The following DIPK1C variants were observed in gnomAD, a reference collection of about 807,000 sequenced individuals.
DIPK1C encodes divergent protein kinase domain 1C, also known as familial non-conventional Alzheimer's dementia.
In DIPK1C, 33 loss-of-function variants were observed where a neutral mutation model predicts 28.0. That is an observed-to-expected ratio of 1.18 (90% CI 0.89 to 1.58). The LOEUF (loss-of-function observed/expected upper bound fraction) is 1.58. Among genes scored for constraint, DIPK1C ranks in the 40% most tolerant of loss-of-function variants. DIPK1C has a pLI of 0.00. For missense variants in DIPK1C, 569 were observed against 568.5 expected, an observed-to-expected ratio of 1.00 and a Z score of -0.01; for synonymous variants, 255 against 248.8, an observed-to-expected ratio of 1.02 and a Z score of -0.23.
chr18:74,454,730 G>A (rs1986468355), intron 1 of DIPK1C, among the ~76,000 whole-genome samples: 1 of 152,184 alleles, frequency 6.6e-6, no homozygotes, highest in African/African-American at 2.4e-5. Flanking sequence ...ACCTCTACTT[G>A]GCAACTCAGC....
Position 74,457,105 on chromosome 18 carries a change from T to C in DIPK1C, c.155A>G (p.Glu52Gly). The C allele has an allele frequency of 2.0e-6, 3 of 1,467,528 alleles. No homozygotes were observed. The highest frequency in any genetic ancestry group is 2.7e-6 in the Non-Finnish European group (3 of 1,118,066). The allele number at this position is 1,467,528 out of a possible 1,614,324, so 90.9% of individuals were successfully genotyped here. A position where few individuals can be genotyped will look rare whatever the true frequency, so the allele number is the denominator to read the frequency against. ...LLRAHPGVLSERCTDEKSRRI... is the reference protein window; with the variant it reads ...LLRAHPGVLSGRCTDEKSRRI... ...CCGGCTCTTCTCGTCGGTGCAGCGC[T>C]CGGAGAGGACACCCGGGTGCGCGCG... The change falls in exon 1 of 4, where the codon GAG (glutamate) becomes GGG (glycine). Residue 52 changes from glutamate (E) to glycine (G), a missense_variant. Glu to Gly is a moderately conservative substitution (Grantham distance 98). Transcript: ENST00000343998.
At chr18:74,454,524 C>T (rs1464854639) in intron 1 of DIPK1C, among the ~76,000 whole-genome samples, 2 of 152,270 alleles carry the variant, frequency 1.3e-5, no homozygotes, top group African/African-American at 4.8e-5. Context: ...AGTCTCCCTT[C>T]AGCTCAGCTG....
At position 74,446,876 on chromosome 18, in the gene DIPK1C, C is replaced by T. The variant is rs1377374458; in HGVS notation, c.606G>A (p.Leu202=). ...GCAGCACGTGTGGGCTCAGGTCCTG[C>T]AGCAGGCTGAAGTAGACGTACTCCT... ...QQEEYVYFSL[L]QDLSPHVLPV... is the part of the protein sequence containing the mutation. Residue 202 remains leucine, a synonymous_variant, in exon 2 of 4, where the codon CTG becomes CTA. Transcript: ENST00000343998. The T allele has an allele frequency of 6.6e-7, 1 of 1,519,908 alleles. No homozygotes were observed. Among genetic ancestry groups the T allele is most frequent in the South Asian group, 1.2e-5 (1 of 80,450 alleles). 94.2% of individuals were successfully genotyped at this position (1,519,908 alleles called of 1,614,324 possible).
chr18:74,449,944 C>G (rs1986362069), intron 1 of DIPK1C, among the ~76,000 whole-genome samples: 1 of 152,124 alleles, frequency 6.6e-6, no homozygotes, highest in Admixed American at 6.5e-5. Flanking sequence ...GGATCCGGAC[C>G]CTTTGCGCCC....
chr18:74,455,860 G>C (rs770833097), intron 1 of DIPK1C, among the ~76,000 whole-genome samples: 1 of 152,030 alleles, frequency 6.6e-6, no homozygotes, highest in African/African-American at 2.4e-5. Context: ...ACGATGACAC[G>C]ATGACACGCG....
intron 1 of DIPK1C, among the ~76,000 whole-genome samples, chr18:74,455,725 T>TAAAAAAA (rs112246757): frequency 2.6e-5 from 3 of 116,148 alleles, no homozygotes; most frequent in Admixed American, 9.4e-5. Flanking sequence ...CAAAACTCCA[T>TAAAAAAA]AAAAAAAAAA....
rs139249584 is a variant in DIPK1C, at chr18:74,437,157, C to A, written c.1042-438G>T. Among the ~76,000 whole-genome samples, 533 of 152,314 alleles carry A rather than the reference C, an allele frequency of 3.5e-3. 2 individuals are homozygous for A. The highest frequency in any genetic ancestry group is 0.012 in the African/African-American group (512 of 41,560). Reference sequence around the variant, plus strand: ...GGAGATGAGGTTTCTTATCCACAAGCTGGTCCTAGTGACAACAATGACCAT... The same window carrying A: ...GGAGATGAGGTTTCTTATCCACAAGATGGTCCTAGTGACAACAATGACCAT... On this transcript the variant is annotated intron_variant, in intron 3 of 3. Transcript: ENST00000343998.
chr18:74,458,120 A>G (rs1214352282), upstream of DIPK1C, among the ~76,000 whole-genome samples: 1 of 152,150 alleles, frequency 6.6e-6, no homozygotes, highest in African/African-American at 2.4e-5. Flanking sequence ...CTGGGCCCAC[A>G]GGGCGTCCCT....
chr18:74,444,664 G>C (rs1037949578), intron 2 of DIPK1C, among the ~76,000 whole-genome samples: 76 of 152,220 alleles, frequency 5.0e-4, no homozygotes, highest in African/African-American at 1.7e-3. Context: ...TACAGTCTTG[G>C]GTAAAATAAC....
chr18:74,436,778 CA>C, intron 3 of DIPK1C, 59 bp from the exon 4 acceptor site: 1 of 1,466,572 alleles, frequency 6.8e-7, no homozygotes, highest in Non-Finnish European at 9.2e-7. Context: ...AAAAGCTTCC[CA>C]AGCCCAGGAT....
At chr18:74,438,511 C>G (rs141854135) in intron 3 of DIPK1C, among the ~76,000 whole-genome samples, 67 of 152,310 alleles carry the variant, frequency 4.4e-4, no homozygotes, top group Middle Eastern at 3.4e-3. Flanking sequence ...CAAGACTGCT[C>G]GTCCTCCCTT....
intron 3 of DIPK1C, among the ~76,000 whole-genome samples, chr18:74,441,671 G>C (rs1464049111): frequency 6.6e-6 from 1 of 152,174 alleles, no homozygotes; most frequent in Non-Finnish European, 1.5e-5. Flanking sequence ...AGAGGTTGTA[G>C]ATACGTGGGG....
intron 2 of DIPK1C, among the ~76,000 whole-genome samples, 158 bp downstream of exon 2, chr18:74,446,448 G>A (rs746943400): frequency 3.9e-5 from 6 of 152,204 alleles, no homozygotes; most frequent in Admixed American, 1.3e-4. Context: ...ACTAACACCC[G>A]GAAGGAAGTG....
the DIPK1C span, among the ~76,000 whole-genome samples, chr18:74,464,430 A>ACTCCTGCCCCCTGGCAGGCAC: frequency 6.6e-6 from 1 of 152,068 alleles, no homozygotes; most frequent in Admixed American, 6.5e-5. Flanking sequence ...TTTTCTATCT[A>ACTCCTGCCCCCTGGCAGGCAC]CTCCTGCCCC....
intron 3 of DIPK1C, among the ~76,000 whole-genome samples, chr18:74,437,602 C>G (rs929975740): frequency 3.9e-5 from 6 of 152,158 alleles, no homozygotes; most frequent in Admixed American, 2.0e-4. Flanking sequence ...AGGACAAAAA[C>G]CTTCAACTTC....
chr18:74,461,167 T>C (rs1986610327), upstream of DIPK1C, among the ~76,000 whole-genome samples: 1 of 152,208 alleles, frequency 6.6e-6, no homozygotes, highest in South Asian at 2.1e-4. Context: ...TTTCTCCTGA[T>C]GACTTTTCAT....
intron 1 of DIPK1C, among the ~76,000 whole-genome samples, chr18:74,451,656 G>A (rs925252593): frequency 1.3e-5 from 2 of 152,204 alleles, no homozygotes; most frequent in African/African-American, 4.8e-5. Flanking sequence ...TTTTTCTGAA[G>A]ATCAGCACAT....
At position 74,445,873 on chromosome 18, in the gene DIPK1C, C is replaced by A. The variant is rs529261832; in HGVS notation, c.876+733G>T. Among the ~76,000 whole-genome samples the A allele has an allele frequency of 2.0e-5, 3 of 152,296 alleles. No homozygotes were observed. In the South Asian group the frequency reaches 6.2e-4, roughly 32 times the overall value. On this transcript the variant is annotated intron_variant, in intron 2 of 3. Transcript: ENST00000343998. Reference sequence around the variant, plus strand: ...CACAGCGTGAGGGCACTGGGATGATCGCAGCAGCATGAATCTGACCCATCA... The same window carrying A: ...CACAGCGTGAGGGCACTGGGATGATAGCAGCAGCATGAATCTGACCCATCA...
intron 1 of DIPK1C, among the ~76,000 whole-genome samples, chr18:74,453,336 G>C (rs1986439200): frequency 6.6e-6 from 1 of 152,206 alleles, no homozygotes; most frequent in Non-Finnish European, 1.5e-5. Flanking sequence ...ATTCCTTCCC[G>C]AAGTAGCTAT....
Sources: gnomAD v4.1 joint callset for allele counts (sites outside exome capture counted in the v4.1 genomes callset) on GRCh38, gnomAD v4.1.1 for gene constraint, MANE v1.5 for transcripts, NCBI Gene and HGNC (gene_info 2026-07-23, HGNC 2026-07-21) for gene names.